The following SLC24A2 variants were observed in gnomAD, a reference collection of about 807,000 sequenced individuals.
SLC24A2 encodes solute carrier family 24 member 2.
SLC24A2 carries 36 observed loss-of-function variants against 62.0 expected under a neutral mutation model. The observed-to-expected ratio is 0.58, with a 90% CI of 0.44 to 0.77. The LOEUF (loss-of-function observed/expected upper bound fraction) is 0.77. Among genes scored for constraint, SLC24A2 ranks in the 30% least tolerant of loss-of-function variants. SLC24A2 has a pLI of 0.00. For missense variants in SLC24A2, 846 were observed against 817.9 expected, an observed-to-expected ratio of 1.03 and a Z score of -0.42; for synonymous variants, 358 against 294.0, an observed-to-expected ratio of 1.22 and a Z score of -2.23.
the SLC24A2 span, among the ~76,000 whole-genome samples, chr9:20,164,527 C>G: frequency 6.6e-6 from 1 of 150,422 alleles, no homozygotes; most frequent in South Asian, 2.1e-4. Flanking sequence ...CACTTTTACA[C>G]TGTTGGTGGG....
the SLC24A2 span, among the ~76,000 whole-genome samples, chr9:19,839,550 T>C: frequency 2.8e-3 from 421 of 152,290 alleles, 4 homozygotes; most frequent in African/African-American, 9.0e-3. Context: ...ATATAATTCA[T>C]GTAGCAAATA....
chr9:20,077,886 A>C, the SLC24A2 span, among the ~76,000 whole-genome samples: 1 of 152,166 alleles, frequency 6.6e-6, no homozygotes, highest in African/African-American at 2.4e-5. Flanking sequence ...TATCTGTAAA[A>C]CATCCCTTCC....
the SLC24A2 span, among the ~76,000 whole-genome samples, chr9:19,873,414 TTCTTTC>T: frequency 4.0e-5 from 6 of 150,782 alleles, no homozygotes; most frequent in Non-Finnish European, 8.9e-5. Flanking sequence ...TTCTCTTTCT[TTCTTTC>T]TCTTTCTCTC....
chr9:20,020,254 A>G, the SLC24A2 span, among the ~76,000 whole-genome samples: 2 of 152,232 alleles, frequency 1.3e-5, no homozygotes, highest in Non-Finnish European at 2.9e-5. Flanking sequence ...TCATTCTACT[A>G]TAAAGACACA....
At chr9:19,683,193 C>T (rs538172720) in intron 2 of SLC24A2, among the ~76,000 whole-genome samples, 6 of 152,146 alleles carry the variant, frequency 3.9e-5, no homozygotes, top group Middle Eastern at 3.4e-3. Context: ...GCTGTAAGTG[C>T]GGCGAGGTAA....
chr9:19,801,388 C>T, the SLC24A2 span, among the ~76,000 whole-genome samples: 7 of 152,200 alleles, frequency 4.6e-5, no homozygotes, highest in African/African-American at 1.4e-4. Context: ...TGCTGGATGC[C>T]GAGGGATGGA....
the SLC24A2 span, among the ~76,000 whole-genome samples, chr9:20,165,564 G>A: frequency 1.3e-5 from 2 of 151,944 alleles, no homozygotes; most frequent in East Asian, 3.9e-4. Flanking sequence ...AATAAATGGT[G>A]TTAAGACATT....
At chr9:19,796,834 G>A in the SLC24A2 span, among the ~76,000 whole-genome samples, 3 of 152,124 alleles carry the variant, frequency 2.0e-5, no homozygotes, top group African/African-American at 7.2e-5. Flanking sequence ...TGATGATAAT[G>A]TACCTTGGAG....
At chr9:19,853,048 A>T in the SLC24A2 span, among the ~76,000 whole-genome samples, 1 of 152,088 alleles carries the variant, frequency 6.6e-6, no homozygotes, top group East Asian at 1.9e-4. Context: ...TGTTAGATGT[A>T]TTGCTGGGTA....
the SLC24A2 span, among the ~76,000 whole-genome samples, chr9:20,211,893 G>T: frequency 3.3e-5 from 5 of 151,890 alleles, no homozygotes; most frequent in African/African-American, 1.2e-4. Flanking sequence ...TACTTAAAAA[G>T]AAATAAAATT....
chr9:20,203,871 T>C, the SLC24A2 span, among the ~76,000 whole-genome samples: 1 of 152,334 alleles, frequency 6.6e-6, no homozygotes, highest in African/African-American at 2.4e-5. Flanking sequence ...ACCCATAATG[T>C]TGCATCCCTT....
At chr9:20,219,814 T>C in the SLC24A2 span, among the ~76,000 whole-genome samples, 1 of 152,210 alleles carries the variant, frequency 6.6e-6, no homozygotes, top group African/African-American at 2.4e-5. Flanking sequence ...AGCCTTGTGA[T>C]ATTTGTTTGT....
chr9:19,542,042 C>A (rs1283146611), intron 8 of SLC24A2, among the ~76,000 whole-genome samples: 1 of 152,216 alleles, frequency 6.6e-6, no homozygotes, highest in Non-Finnish European at 1.5e-5. Flanking sequence ...CCAGGTGAGG[C>A]AATGCCTCGC....
chr9:19,666,413 T>TCATTA (rs1358477441), intron 2 of SLC24A2, among the ~76,000 whole-genome samples: 1 of 152,108 alleles, frequency 6.6e-6, no homozygotes, highest in African/African-American at 2.4e-5. Context: ...TTTAAAAAAA[T>TCATTA]CATTATTTTA....
chr9:19,704,987 C>G (rs1330731246), intron 2 of SLC24A2, among the ~76,000 whole-genome samples: 1 of 152,002 alleles, frequency 6.6e-6, no homozygotes, highest in East Asian at 1.9e-4. Context: ...GAAAGAGGAC[C>G]CAGCTGCTTT....
At chr9:19,787,976 A>T (rs906135674) in intron 1 of SLC24A2, among the ~76,000 whole-genome samples, 4 of 152,258 alleles carry the variant, frequency 2.6e-5, no homozygotes, top group Non-Finnish European at 5.9e-5. Context: ...AGATGGGTAA[A>T]ATAGCCAGAC....
chr9:19,568,387 T>G (rs7036141), intron 7 of SLC24A2, among the ~76,000 whole-genome samples: 1 of 152,048 alleles, frequency 6.6e-6, no homozygotes, highest in Non-Finnish European at 1.5e-5. Flanking sequence ...AATCCAGCCT[T>G]GCCGTTCATA....
the SLC24A2 span, among the ~76,000 whole-genome samples, chr9:20,279,836 A>G: frequency 6.6e-6 from 1 of 152,246 alleles, no homozygotes; most frequent in African/African-American, 2.4e-5. Context: ...ATGGCTGGTC[A>G]TAAGCAGGTC....
At chr9:20,258,821 C>CTACCT in the SLC24A2 span, among the ~76,000 whole-genome samples, 8,784 of 127,256 alleles carry the variant, frequency 0.069, 542 homozygotes, top group East Asian at 0.33. Context: ...TCTACCTTAT[C>CTACCT]TATCTATCTA....
Sources: gnomAD v4.1 joint callset for allele counts (sites outside exome capture counted in the v4.1 genomes callset) on GRCh38, gnomAD v4.1.1 for gene constraint, MANE v1.5 for transcripts, NCBI Gene and HGNC (gene_info 2026-07-23, HGNC 2026-07-21) for gene names.